The following AK9 variants were observed in gnomAD, a reference collection of about 807,000 sequenced individuals.
AK9 encodes adenylate kinase 9.
A neutral mutation model predicts 239.6 loss-of-function variants in AK9; 191 were observed. That is an observed-to-expected ratio of 0.80 (90% CI 0.71 to 0.90). AK9 has a LOEUF of 0.90. Ranked by LOEUF, AK9 falls within the 40% of genes least tolerant of loss-of-function variation. The pLI is 0.00. For synonymous variants in AK9, 689 were observed against 721.0 expected (o/e 0.96, Z 0.71); for missense variants, 1,995 against 2,214.7 (o/e 0.90, Z 1.99).
intron 25 of AK9, among the ~76,000 whole-genome samples, chr6:109,549,396 T>A (rs1466819267): frequency 6.6e-6 from 1 of 152,112 alleles, no homozygotes; most frequent in Non-Finnish European, 1.5e-5. Context: ...AGTTCACCAA[T>A]CCCTGAATTC....
rs946978697 is a variant in AK9, at chr6:109,577,321, C to A, written c.2191+2229G>T. On this transcript the variant is annotated intron_variant, in intron 20 of 40. Transcript: ENST00000424296. ...GACTTGTGTATGTTAAACCATCCTT[C>A]CATCCCTGGTATGAAACCCATTTGA... 1.2e-4 allele frequency among the ~76,000 whole-genome samples: 18 copies of A among 152,246 alleles called. No individual in the cohort carries two copies. The South Asian group carries it at 1.7e-3, about 14-fold the overall frequency.
chr6:109,558,100 CATTGAGT>C (rs1231893135), intron 24 of AK9, among the ~76,000 whole-genome samples: 4 of 152,090 alleles, frequency 2.6e-5, no homozygotes, highest in African/African-American at 9.7e-5. Context: ...GTTGTTTTCT[CATTGAGT>C]ATTAAGAGTT....
chr6:109,677,304 G>T (rs1771900402), intron 1 of AK9, among the ~76,000 whole-genome samples: 1 of 152,006 alleles, frequency 6.6e-6, no homozygotes, highest in Non-Finnish European at 1.5e-5. Flanking sequence ...TTTTCTTTCA[G>T]ACCAACACTA....
chr6:109,535,081 A>C (rs36188785), intron 27 of AK9, among the ~76,000 whole-genome samples: 10 of 152,162 alleles, frequency 6.6e-5, no homozygotes, highest in Non-Finnish European at 1.2e-4. Flanking sequence ...TGCATGTGGC[A>C]TTATAGCAGC....
At chr6:109,541,093 C>T (rs935471894) in intron 27 of AK9, among the ~76,000 whole-genome samples, 1 of 152,186 alleles carries the variant, frequency 6.6e-6, no homozygotes, top group Non-Finnish European at 1.5e-5. Flanking sequence ...TGTACTCACA[C>T]TTCTATTTCT....
intron 23 of AK9, 130 bp downstream of exon 23, chr6:109,563,950 A>C: frequency 9.2e-7 from 1 of 1,089,572 alleles, no homozygotes; most frequent in Admixed American, 2.8e-5. Context: ...GTTGCTAAGT[A>C]TTTTATACAT....
chr6:109,684,628 A>C (rs112880853), intron 1 of AK9, among the ~76,000 whole-genome samples: 1 of 151,588 alleles, frequency 6.6e-6, no homozygotes, highest in Admixed American at 6.6e-5. Flanking sequence ...TAATCCCAGC[A>C]CTTTGGGAGG....
intron 39 of AK9, among the ~76,000 whole-genome samples, chr6:109,495,048 T>A (rs566512502): frequency 4.5e-4 from 68 of 152,322 alleles, no homozygotes; most frequent in African/African-American, 1.6e-3. Flanking sequence ...ACATTGAAAT[T>A]CAAAAGTAAG....
chr6:109,603,123 AT>A (rs760554408), intron 17 of AK9, among the ~76,000 whole-genome samples: 40 of 152,190 alleles, frequency 2.6e-4, no homozygotes, highest in Admixed American at 1.5e-3. Context: ...AAGGAGCTGC[AT>A]CCCTTTGGAG....
chr6:109,513,753 C>T (rs73520996), intron 32 of AK9, among the ~76,000 whole-genome samples: 4,421 of 152,226 alleles, frequency 0.029, 201 homozygotes, highest in African/African-American at 0.1. Context: ...CACTGGCATC[C>T]CCATCATTCC....
At chr6:109,580,107 T>C (rs1464635321) in intron 19 of AK9, among the ~76,000 whole-genome samples, 2 of 152,186 alleles carry the variant, frequency 1.3e-5, no homozygotes, top group Non-Finnish European at 2.9e-5. Flanking sequence ...GTGTTTTAAG[T>C]TTTCTTTAAC....
chr6:109,574,744 G>A (rs1434930013), intron 20 of AK9, among the ~76,000 whole-genome samples: 1 of 152,018 alleles, frequency 6.6e-6, no homozygotes, highest in Non-Finnish European at 1.5e-5. Context: ...TTGAGGAACA[G>A]GTGGTGTTTT....
At chr6:109,588,115 G>A (rs548261972) in intron 17 of AK9, among the ~76,000 whole-genome samples, 39 of 151,032 alleles carry the variant, frequency 2.6e-4, no homozygotes, top group African/African-American at 9.5e-4. Flanking sequence ...CTGTCGCCCA[G>A]GCTGGAGTGC....
intron 12 of AK9, among the ~76,000 whole-genome samples, chr6:109,626,150 T>C (rs983330672): frequency 3.9e-5 from 6 of 152,192 alleles, no homozygotes; most frequent in Non-Finnish European, 8.8e-5. Context: ...GTTTTTATAT[T>C]TTTAGTGCAG....
chr6:109,593,862 T>A (rs1246394228), intron 17 of AK9, among the ~76,000 whole-genome samples: 1 of 152,106 alleles, frequency 6.6e-6, no homozygotes, highest in Non-Finnish European at 1.5e-5. Context: ...ATGGAACATA[T>A]CTCAAAATAA....
chr6:109,598,024 A>G (rs1298231080), intron 17 of AK9, among the ~76,000 whole-genome samples: 1 of 152,110 alleles, frequency 6.6e-6, no homozygotes, highest in Non-Finnish European at 1.5e-5. Context: ...TATTATAAAT[A>G]CTTTCCCCAG....
At chr6:109,545,352 G>A (rs1783408265) in intron 26 of AK9, among the ~76,000 whole-genome samples, 1 of 152,194 alleles carries the variant, frequency 6.6e-6, no homozygotes. Flanking sequence ...AAGTGATATG[G>A]TTTGACTGTG....
chr6:109,495,585 TG>T, intron 38 of AK9, 145 bp from the exon 39 acceptor site: 3 of 514,744 alleles, frequency 5.8e-6, no homozygotes, highest in Non-Finnish European at 9.8e-6. Context: ...CTGGGGCTCC[TG>T]GAAGTGCACA....
chr6:109,509,806 C>G (rs1311916650), intron 32 of AK9, among the ~76,000 whole-genome samples: 1 of 152,164 alleles, frequency 6.6e-6, no homozygotes, highest in East Asian at 2.0e-4. Context: ...GAACCCTGCC[C>G]CTTGTGAGTT....
Sources: allele counts gnomAD v4.1 joint callset (sites outside exome capture counted in the v4.1 genomes callset), GRCh38; gene constraint gnomAD v4.1.1; transcripts MANE v1.5; gene names NCBI Gene and HGNC (gene_info 2026-07-23, HGNC 2026-07-21).